BRAF: variants seen among roughly 807,000 people sequenced by gnomAD.
BRAF encodes the protein B-Raf proto-oncogene, serine/threonine kinase, also known as serine/threonine-protein kinase B-raf.
In BRAF, 16 loss-of-function variants were observed where a neutral mutation model predicts 104.6. The observed-to-expected ratio is 0.15, with a 90% confidence interval of 0.10 to 0.23. The LOEUF is 0.23. Ranked by LOEUF, BRAF falls within the 10% of genes least tolerant of loss-of-function variation. The pLI, the probability that BRAF is intolerant of heterozygous loss-of-function variation, is 1.00. For synonymous variants in BRAF, 310 were observed against 341.6 expected (o/e 0.91, Z 1.02); for missense variants, 541 against 937.3 (o/e 0.58, Z 5.52).
chr7:140,726,607 T>C, intron 19 of BRAF: 3 of 1,108,326 alleles, frequency 2.7e-6, no homozygotes, highest in Non-Finnish European at 3.9e-6. Flanking sequence ...CACTGAAAAG[T>C]AACTAGTTAT....
intron 1 of BRAF, among the ~76,000 whole-genome samples, chr7:140,890,084 AAC>A (rs1814046778): frequency 6.6e-6 from 1 of 152,224 alleles, no homozygotes; most frequent in South Asian, 2.1e-4. Flanking sequence ...TTAGCTTTGT[AAC>A]CTTAGGCAAA....
chr7:140,788,640 G>A (rs1370421064), intron 8 of BRAF, among the ~76,000 whole-genome samples: 1 of 152,078 alleles, frequency 6.6e-6, no homozygotes, highest in African/African-American at 2.4e-5. Context: ...CCAGGCTGGA[G>A]TGCAGTGGCG....
rs183518101 is a variant in BRAF at position 140,860,618 on chromosome 7, T to G, written c.139-10406A>C. 2.4e-3 allele frequency among the ~76,000 whole-genome samples: 368 copies of G among 152,170 alleles called. 10 individuals are homozygous for G. The highest frequency in any genetic ancestry group is 8.1e-4 in the Non-Finnish European group (55 of 67,992). On this transcript the variant is annotated intron_variant, in intron 1 of 19. Transcript: ENST00000644969. ...ATAAGACAGGAATGCATTATTGCAC[T>G]CCCACCTGGGCAACAGAGCAAGACC...
chr7:140,759,663 G>A (rs1798504895), intron 14 of BRAF, among the ~76,000 whole-genome samples: 2 of 152,232 alleles, frequency 1.3e-5, no homozygotes, highest in Admixed American at 6.5e-5. Context: ...TGGGATTAGA[G>A]GCGTGAGCCA....
At chr7:140,801,758 A>C (rs557622777) in intron 5 of BRAF, among the ~76,000 whole-genome samples, 198 bp from the exon 6 acceptor site, 1 of 152,324 alleles carries the variant, frequency 6.6e-6, no homozygotes, top group South Asian at 2.1e-4. Context: ...TTCCCACCCC[A>C]CTATCTAACT....
intron 17 of BRAF, among the ~76,000 whole-genome samples, chr7:140,745,839 T>A (rs73736587): frequency 1.0e-3 from 157 of 152,322 alleles, no homozygotes; most frequent in African/African-American, 3.7e-3. Flanking sequence ...GACTAGTACT[T>A]ACTTCCTGTT....
At chr7:140,774,551 T>A (rs1800149117) in intron 14 of BRAF, among the ~76,000 whole-genome samples, 1 of 152,196 alleles carries the variant, frequency 6.6e-6, no homozygotes, top group African/African-American at 2.4e-5. Context: ...AGGGTCTCGC[T>A]CTGTTACCCA....
intron 19 of BRAF, among the ~76,000 whole-genome samples, chr7:140,730,008 G>C (rs1795846176): frequency 6.6e-6 from 1 of 151,774 alleles, no homozygotes; most frequent in South Asian, 2.1e-4. Context: ...GTGTTGAGGG[G>C]AAAAAAATAA....
At chr7:140,816,187 T>C (rs1427668864) in intron 3 of BRAF, among the ~76,000 whole-genome samples, 2 of 152,204 alleles carry the variant, frequency 1.3e-5, no homozygotes, top group African/African-American at 2.4e-5. Flanking sequence ...CTCATCAAGT[T>C]GCTATGAAGA....
chr7:140,813,876 C>T (rs879589500), intron 3 of BRAF, among the ~76,000 whole-genome samples: 2 of 151,346 alleles, frequency 1.3e-5, no homozygotes, highest in South Asian at 2.1e-4. Context: ...CACATGCATG[C>T]GGACGCATAC....
intron 19 of BRAF, among the ~76,000 whole-genome samples, chr7:140,729,401 T>C (rs1012405561): frequency 1.3e-5 from 2 of 152,206 alleles, no homozygotes; most frequent in African/African-American, 4.8e-5. Context: ...TCCCAGCACT[T>C]TGGGAGGCGG....
Position 140,912,926 on chromosome 7 carries a change from AG to A in BRAF, c.138+11639del, listed in dbSNP as rs781679970. 7.9e-5 allele frequency among the ~76,000 whole-genome samples: 12 copies of A among 152,324 alleles called. 1 individual carries two copies. The South Asian group carries it at 8.3e-4, about 11-fold the overall frequency. On this transcript the variant is annotated intron_variant, in intron 1 of 19. Transcript: ENST00000644969. Reference sequence around the variant, plus strand: ...CACCAATATGGCCTAGATAACTGAAAGAGATCCTTCCCTAATCCCCTAGTCT... The same window carrying A: ...CACCAATATGGCCTAGATAACTGAAAAGATCCTTCCCTAATCCCCTAGTCT...
intron 2 of BRAF, among the ~76,000 whole-genome samples, chr7:140,849,829 T>TAAAATA (rs1287992421): frequency 1.3e-5 from 2 of 150,744 alleles, no homozygotes; most frequent in African/African-American, 4.8e-5. Context: ...AATAAATAAA[T>TAAAATA]AAAATAAAAA....
intron 13 of BRAF, 77 bp downstream of exon 12, chr7:140,777,914 T>C: frequency 2.3e-6 from 3 of 1,307,362 alleles, no homozygotes; most frequent in South Asian, 1.2e-5. Context: ...GTAAAGCTAA[T>C]AGTTGCTACC....
At chr7:140,916,101 C>T (rs1024994782) in intron 1 of BRAF, among the ~76,000 whole-genome samples, 1 of 152,202 alleles carries the variant, frequency 6.6e-6, no homozygotes, top group Non-Finnish European at 1.5e-5. Context: ...TTTCTACCTT[C>T]GCAATTGTCA....
In BRAF at chr7:140,871,083, C is replaced by CA. The variant is rs1005373501; in HGVS notation, c.139-20872dup. On this transcript the variant is annotated intron_variant, in intron 1 of 19. Coordinates refer to ENST00000644969, the MANE Select transcript of BRAF (RefSeq NM_001374258.1). ...TCTACTAAAAATACAAAAAAAAATA[C>CA]AAAAAAAAATTGGCTGGGCATGGTG... is the stretch of plus-strand genomic sequence containing the variant. Among the ~76,000 whole-genome samples the CA allele has an allele frequency of 6.8e-4, 102 of 149,272 alleles. No homozygotes were observed. In the East Asian group the frequency reaches 8.4e-3, roughly 12 times the overall value.
Position 140,724,686 on chromosome 7 carries a change from CT to C in BRAF, c.*1807del. The C allele has an allele frequency of 9.7e-7, 1 of 1,033,486 alleles. No homozygotes were observed. The highest frequency in any genetic ancestry group is 1.2e-6 in the Non-Finnish European group (1 of 859,080). 64.0% of individuals were successfully genotyped at this position (1,033,486 alleles called of 1,614,324 possible). A position where few individuals can be genotyped will look rare whatever the true frequency, so the allele number is the denominator to read the frequency against. On this transcript the variant is annotated 3_prime_UTR_variant, in exon 20 of 20. Transcript: ENST00000644969. ...GTGGCTGCAATATAGACAGCAGGGC[CT>C]GGAGTTACAATCTGAAATTTTTAAA...
intron 16 of BRAF, among the ~76,000 whole-genome samples, chr7:140,751,767 C>A (rs966635878): frequency 6.6e-6 from 1 of 152,178 alleles, no homozygotes; most frequent in Non-Finnish European, 1.5e-5. Context: ...TTTATTTTGA[C>A]AAACTTGGGA....
At chr7:140,732,682 G>A (rs566443294) in intron 19 of BRAF, 1 of 152,392 alleles carries the variant, frequency 6.6e-6, no homozygotes, top group African/African-American at 2.4e-5. Context: ...GGTGTCAGAT[G>A]CAGATGATGG....
Sources: allele counts gnomAD v4.1 joint callset (sites outside exome capture counted in the v4.1 genomes callset), GRCh38; gene constraint gnomAD v4.1.1; transcripts MANE v1.5; gene names NCBI Gene and HGNC (gene_info 2026-07-23, HGNC 2026-07-21).